PARP4: variants seen among roughly 807,000 people sequenced by gnomAD.
The protein encoded by PARP4 is poly(ADP-ribose) polymerase family member 4, also known as protein mono-ADP-ribosyltransferase PARP4.
PARP4 carries 120 observed loss-of-function variants against 187.7 expected under a neutral mutation model. The observed-to-expected ratio is 0.64, with a 90% CI of 0.55 to 0.74. PARP4 has a LOEUF of 0.74. Among genes scored for constraint, PARP4 ranks in the 30% least tolerant of loss-of-function variants. The pLI is 0.00. For synonymous variants in PARP4, 654 were observed against 740.9 expected, an observed-to-expected ratio of 0.88 and a Z score of 1.90; for missense variants, 1,836 against 2,070.5, an observed-to-expected ratio of 0.89 and a Z score of 2.20.
chr13:24,508,403 A>G (rs1167945829), intron 1 of PARP4, among the ~76,000 whole-genome samples: 1 of 152,226 alleles, frequency 6.6e-6, no homozygotes, highest in Non-Finnish European at 1.5e-5. Context: ...AATTTGAAAA[A>G]TACAGAATTG....
rs1226407768 is a variant in PARP4, at chr13:24,434,711, A to G, written c.4430T>C (p.Leu1477Pro). ...CTCAGGTAAAGCAGAGGCCATTGGCAGCCTAAGGTTGGCAGTCAAAGAGGC... is the reference window on the plus strand; with the variant it reads ...CTCAGGTAAAGCAGAGGCCATTGGCGGCCTAAGGTTGGCAGTCAAAGAGGC... ...SAASLTANLR[L>P]PMASALPEAL... Residue 1477 changes from leucine to proline, a missense_variant, in exon 31 of 34, where the codon CTG becomes CCG. Leu to Pro is a moderately conservative substitution (Grantham distance 98). Transcript: ENST00000381989. The G allele has an allele frequency of 1.2e-6, 2 of 1,614,062 alleles. No individual in the cohort carries two copies. The highest frequency in any genetic ancestry group is 1.7e-6 in the Non-Finnish European group (2 of 1,180,038).
chr13:24,431,128 A>AT (rs1382551961), intron 32 of PARP4, among the ~76,000 whole-genome samples: 9 of 152,152 alleles, frequency 5.9e-5, no homozygotes, highest in Admixed American at 1.3e-4. Context: ...AGCTTCTGAG[A>AT]TTTTTTTTAC....
chr13:24,511,575 G>A (rs1421947604), intron 1 of PARP4, among the ~76,000 whole-genome samples: 2 of 152,180 alleles, frequency 1.3e-5, no homozygotes, highest in Admixed American at 6.5e-5. Context: ...CATTGGTGTA[G>A]GTGGAATCAA....
In PARP4 at chr13:24,482,418, A is replaced by G. The variant is rs1018679337; in HGVS notation, c.1448+2235T>C. 2.2e-4 allele frequency among the ~76,000 whole-genome samples: 34 copies of G among 152,228 alleles called. 2 individuals carry two copies. The highest frequency in any genetic ancestry group is 7.0e-4 in the African/African-American group (29 of 41,450). On this transcript the variant is annotated intron_variant, in intron 12 of 33. Transcript: ENST00000381989. ...ATGCTATCAAATAGCATCTCATACT[A>G]CAGATAAATCTTTCATGAAAGGAAG...
intron 21 of PARP4, 57 bp downstream of exon 21, chr13:24,456,284 T>C (rs1360679593): frequency 4.2e-5 from 60 of 1,420,956 alleles, no homozygotes; most frequent in Non-Finnish European, 5.6e-5. Flanking sequence ...TTTAACCAGC[T>C]TATTCTGAAA....
intron 17 of PARP4, among the ~76,000 whole-genome samples, chr13:24,463,468 T>C (rs1024809569): frequency 2.0e-5 from 3 of 152,116 alleles, no homozygotes; most frequent in African/African-American, 7.2e-5. Flanking sequence ...TGTGAATAAA[T>C]GTAGAGACAT....
intron 33 of PARP4, among the ~76,000 whole-genome samples, chr13:24,425,232 C>CTTGAGCCCAGGACGT (rs1869967202): frequency 6.8e-6 from 1 of 146,926 alleles, no homozygotes; most frequent in African/African-American, 2.7e-5. Flanking sequence ...GCCCAGGAGG[C>CTTGAGCCCAGGACGT]GGAGGTTGCA....
chr13:24,439,671 G>C (rs1366022718), intron 30 of PARP4, among the ~76,000 whole-genome samples: 1 of 152,114 alleles, frequency 6.6e-6, no homozygotes, highest in African/African-American at 2.4e-5. Flanking sequence ...GCTGCTTCTG[G>C]GTGTGCCCTT....
chr13:24,443,571 T>A, intron 28 of PARP4, 79 bp downstream of exon 28: 2 of 1,055,974 alleles, frequency 1.9e-6, no homozygotes, highest in South Asian at 2.6e-5. Flanking sequence ...CTGACCTCAC[T>A]TTCCATTTCC....
chr13:24,490,528 G>C, intron 10 of PARP4, 140 bp downstream of exon 10: 1 of 692,018 alleles, frequency 1.4e-6, no homozygotes, highest in Non-Finnish European at 2.4e-6. Context: ...GAACAGAGAA[G>C]AAAGTAATGT....
chr13:24,424,324 C>T (rs1869907353), intron 33 of PARP4, among the ~76,000 whole-genome samples: 1 of 152,012 alleles, frequency 6.6e-6, no homozygotes, highest in South Asian at 2.1e-4. Flanking sequence ...GTTGATATGT[C>T]TCTAAAGGTT....
chr13:24,420,953 T>A lies in PARP4; in HGVS notation c.*166A>T, dbSNP rs1156985530. 7.6e-6 allele frequency: 6 copies of A among 794,362 alleles called. No homozygotes were observed. The highest frequency in any genetic ancestry group is 4.3e-4 in the Middle Eastern group (1 of 2,302). 49.2% of individuals were successfully genotyped at this position (794,362 alleles called of 1,614,324 possible). Reference sequence around the variant, plus strand: ...AAATATTTTAAGTTTCATTTTATTATTGCTTGTTAGTTGATTAAAGTAATT... The same window carrying A: ...AAATATTTTAAGTTTCATTTTATTAATGCTTGTTAGTTGATTAAAGTAATT... On this transcript the variant is annotated 3_prime_UTR_variant, in exon 34 of 34. Transcript: ENST00000381989.
chr13:24,485,362 A>C (rs1240906716), intron 11 of PARP4, among the ~76,000 whole-genome samples: 1 of 151,996 alleles, frequency 6.6e-6, no homozygotes, highest in Non-Finnish European at 1.5e-5. Context: ...TCAGCTTTTC[A>C]CTTCTTTAAA....
intron 12 of PARP4, 55 bp from the exon 13 acceptor site, chr13:24,478,331 A>G: frequency 8.6e-7 from 1 of 1,157,968 alleles, no homozygotes; most frequent in South Asian, 2.2e-5. Flanking sequence ...CTTGTCAATA[A>G]CATACTATTG....
At chr13:24,496,066 AAAC>A (rs1868936560) in intron 6 of PARP4, among the ~76,000 whole-genome samples, 1 of 152,046 alleles carries the variant, frequency 6.6e-6, no homozygotes, top group South Asian at 2.1e-4. Context: ...TCAATGAAGA[AAAC>A]AACGACACAT....
Position 24,452,420 on chromosome 13 carries a change from G to A in PARP4, c.3000C>T (p.Phe1000=), listed in dbSNP as rs371311744. The change falls in exon 24 of 34, where the codon TTC becomes TTT. Residue 1000 remains phenylalanine (F), a synonymous_variant. Transcript: ENST00000381989. ...CTGAGACTCACCCGATACCGCAGGCGAATAACCTGGTGTGCGGGCGGCTCC... is the reference window on the plus strand; with the variant it reads ...CTGAGACTCACCCGATACCGCAGGCAAATAACCTGGTGTGCGGGCGGCTCC... ...VKRSRPHTRL[F]ACGIGSTANR... 55 of 1,612,890 alleles carry A rather than the reference G, an allele frequency of 3.4e-5. 2 individuals carry two copies. The Admixed American group carries it at 4.5e-4, about 13-fold the overall frequency.
intron 7 of PARP4, 122 bp from the exon 8 acceptor site, chr13:24,493,855 C>T (rs1210744774): frequency 2.2e-6 from 2 of 897,378 alleles, no homozygotes; most frequent in African/African-American, 3.4e-5. Context: ...GGAGAGTCAT[C>T]CCCAGCCAGG....
chr13:24,426,891 CAAAAAAAAAAAA>C (rs5802279), intron 32 of PARP4, among the ~76,000 whole-genome samples: 2 of 93,570 alleles, frequency 2.1e-5, no homozygotes, highest in Admixed American at 1.3e-4. Flanking sequence ...GACTCTGTCT[CAAAAAAAAAAAA>C]AAAAAAAAAA....
intron 11 of PARP4, among the ~76,000 whole-genome samples, chr13:24,485,435 G>A (rs1873500995): frequency 6.6e-6 from 1 of 152,086 alleles, no homozygotes; most frequent in South Asian, 2.1e-4. Flanking sequence ...AAGAAAAACT[G>A]GCATCCTTCT....
Sources: gnomAD v4.1 joint callset for allele counts (sites outside exome capture counted in the v4.1 genomes callset) on GRCh38, gnomAD v4.1.1 for gene constraint, MANE v1.5 for transcripts, NCBI Gene and HGNC (gene_info 2026-07-23, HGNC 2026-07-21) for gene names.